The following HTT variants were observed in gnomAD, a reference collection of about 807,000 sequenced individuals.
The protein encoded by HTT is huntingtin, also known as huntington disease protein.
HTT carries 104 observed loss-of-function variants against 362.3 expected under a neutral mutation model. That is an observed-to-expected ratio of 0.29 (90% CI 0.24 to 0.34). HTT has a LOEUF of 0.34. Ranked by LOEUF, HTT falls within the 10% of genes least tolerant of loss-of-function variation. HTT has a pLI of 1.00. For synonymous variants in HTT, 1,577 were observed against 1,548.7 expected, an observed-to-expected ratio of 1.02 and a Z score of -0.43; for missense variants, 3,301 against 3,928.6, an observed-to-expected ratio of 0.84 and a Z score of 4.27.
At chr4:3,238,753 C>CCCCCCCCCCCGGG in intron 65 of HTT, 65 bp from the exon 66 acceptor site, 1 of 1,216,196 alleles carries the variant, frequency 8.2e-7, no homozygotes, top group Admixed American at 2.3e-5. Flanking sequence ...CCCCGCCACC[C>CCCCCCCCCCCGGG]AGGCGCAGCA....
intron 57 of HTT, among the ~76,000 whole-genome samples, chr4:3,227,276 A>G (rs1720967374): frequency 7.0e-6 from 1 of 142,246 alleles, no homozygotes; most frequent in Non-Finnish European, 1.5e-5. Flanking sequence ...GCTGAAGGAC[A>G]GTGCCACCCC....
At position 3,177,428 on chromosome 4, in the gene HTT, G is replaced by A. The variant is rs200255140; in HGVS notation, c.4463+41G>A. ...TATTTTAGATTTTTTTCTTCTTCTT[G>A]TGTACTTACATGTAATTTAGGTTAT... On this transcript the variant is annotated intron_variant, in intron 34 of 66. Coordinates refer to ENST00000355072, the MANE Select transcript of HTT (RefSeq NM_001388492.1). 2.2e-5 allele frequency: 29 copies of A among 1,318,846 alleles called. No individual in the cohort carries two copies. In the Admixed American group the frequency reaches 6.0e-4, roughly 27 times the overall value. 81.7% of individuals were successfully genotyped at this position (1,318,846 alleles called of 1,614,324 possible).
chr4:3,118,677 TA>T (rs1715149724), intron 8 of HTT, among the ~76,000 whole-genome samples: 1 of 152,134 alleles, frequency 6.6e-6, no homozygotes, highest in Admixed American at 6.5e-5. Context: ...GAAACTGTGT[TA>T]AATTGGGATT....
intron 36 of HTT, 38 bp from the exon 37 acceptor site, chr4:3,182,316 C>T (rs768358754): frequency 2.2e-6 from 3 of 1,381,368 alleles, no homozygotes; most frequent in African/African-American, 2.8e-5. Flanking sequence ...AAAGGCGTCT[C>T]TTGGCAGCAG....
chr4:3,132,091 G>A (rs1715849018), intron 16 of HTT, among the ~76,000 whole-genome samples: 1 of 152,212 alleles, frequency 6.6e-6, no homozygotes, highest in African/African-American at 2.4e-5. Context: ...GCCAGGCCAG[G>A]CATTCACACT....
At chr4:3,123,044 T>C (rs1715363608) in intron 10 of HTT, 108 bp downstream of exon 10, 5 of 760,318 alleles carry the variant, frequency 6.6e-6, no homozygotes, top group Non-Finnish European at 1.1e-5. Flanking sequence ...GGACTCTGTG[T>C]ATATCTCTTC....
Position 3,180,486 on chromosome 4 carries a change from C to G in HTT, c.4613-29C>G, listed in dbSNP as rs763625125. On this transcript the variant is annotated intron_variant, in intron 35 of 66. Coordinates refer to ENST00000355072, the MANE Select transcript of HTT (RefSeq NM_001388492.1). ...TCCAAATGTAATTTCCATGAAATGC[C>G]TGATAAGGGTACCCTTTTGTCCCCA... is the stretch of plus-strand genomic sequence containing the variant. 4 of 1,524,172 alleles carry G rather than the reference C, an allele frequency of 2.6e-6. No homozygotes were observed. In the African/African-American group the frequency reaches 5.6e-5, roughly 22 times the overall value. The allele number at this position is 1,524,172 out of a possible 1,614,324, so 94.4% of individuals were successfully genotyped here. A position where few individuals can be genotyped will look rare whatever the true frequency, so the allele number is the denominator to read the frequency against.
chr4:3,080,614 A>T (rs917129750), intron 1 of HTT, among the ~76,000 whole-genome samples: 6 of 152,110 alleles, frequency 3.9e-5, no homozygotes, highest in African/African-American at 1.4e-4. Flanking sequence ...GATGAAGTCG[A>T]GTTTATCTAT....
At chr4:3,129,826 G>C in intron 12 of HTT, 98 bp from the exon 13 acceptor site, 1 of 1,414,324 alleles carries the variant, frequency 7.1e-7, no homozygotes, top group Admixed American at 1.7e-5. Flanking sequence ...TGTTCTGTGT[G>C]TAAAATGTGC....
At chr4:3,229,798 C>T (rs983795439) in intron 59 of HTT, 89 bp from the exon 60 acceptor site, 29 of 1,377,428 alleles carry the variant, frequency 2.1e-5, no homozygotes, top group South Asian at 1.8e-4. Context: ...TGTAAGAACA[C>T]GACTTGCCAG....
At position 3,203,898 on chromosome 4, in the gene HTT, A is replaced by G. The variant is rs148781790; in HGVS notation, c.5577-109A>G. 442 of 1,073,170 alleles carry G rather than the reference A, an allele frequency of 4.1e-4. 2 individuals carry two copies. In the African/African-American group the frequency reaches 4.9e-3, roughly 12 times the overall value. 66.5% of individuals were successfully genotyped at this position (1,073,170 alleles called of 1,614,324 possible). On this transcript the variant is annotated intron_variant, in intron 41 of 66. Coordinates refer to ENST00000355072, the MANE Select transcript of HTT (RefSeq NM_001388492.1). ...ACATTCTGATATGGCAATATTTAAA[A>G]CAACTTGTCTGTTTTAGAACTAGAA...
chr4:3,152,623 A>T lies in HTT; in HGVS notation c.3499-1670A>T, dbSNP rs535153809. On this transcript the variant is annotated intron_variant, in intron 26 of 66. Coordinates refer to ENST00000355072, the MANE Select transcript of HTT (RefSeq NM_001388492.1). ...CTACGTCTTCTGGACATTACTGTGG[A>T]TGGGCTCATACAGTCAGTGAGCTTG... is the stretch of plus-strand genomic sequence containing the variant. Among the ~76,000 whole-genome samples, 11 of 152,140 alleles carry T rather than the reference A, an allele frequency of 7.2e-5. No individual in the cohort carries two copies. In the South Asian group the frequency reaches 2.1e-3, roughly 29 times the overall value.
In HTT at chr4:3,131,275, C is replaced by T. The variant is rs549836561; in HGVS notation, c.1987-11C>T. 49 of 1,588,942 alleles carry T rather than the reference C, an allele frequency of 3.1e-5. No individual in the cohort carries two copies. Among genetic ancestry groups the T allele is most frequent in the African/African-American group, 2.6e-4 (19 of 74,422 alleles). On this transcript the variant is annotated splice_polypyrimidine_tract_variant and intron_variant, in intron 14 of 66. Transcript: ENST00000355072. ...GTATGAGACAAACAAGTGTCATTGT[C>T]TCCTTTCTAGCCTTGCCGCATCAAA...
In HTT at chr4:3,154,349, G is replaced by A; in HGVS notation, c.3555G>A (p.Gly1185=). 2 of 1,613,362 alleles carry A rather than the reference G, an allele frequency of 1.2e-6. No homozygotes were observed. Among genetic ancestry groups the A allele is most frequent in the African/African-American group, 1.3e-5 (1 of 75,002 alleles). The change falls in exon 27 of 67, where the codon GGG becomes GGA. Residue 1185 remains glycine (G), a synonymous_variant. Transcript: ENST00000355072. ...CTCTAAGTCCCATCCGACGAAAGGG[G>A]AAGGAGAAAGAACCAGGAGAACAAG... The part of the protein sequence containing the change: ...PPSLSPIRRK[G]KEKEPGEQAS...
intron 1 of HTT, among the ~76,000 whole-genome samples, chr4:3,078,823 T>C (rs1712715077): frequency 6.6e-6 from 1 of 151,750 alleles, no homozygotes; most frequent in Non-Finnish European, 1.5e-5. Context: ...CAAGCTCCGC[T>C]TCCCGAGTTC....
At chr4:3,217,595 A>G (rs1720473147) in intron 51 of HTT, among the ~76,000 whole-genome samples, 170 bp from the exon 52 acceptor site, 1 of 152,204 alleles carries the variant, frequency 6.6e-6, no homozygotes, top group African/African-American at 2.4e-5. Flanking sequence ...GGAGAATTGT[A>G]TGGTATAGGC....
chr4:3,077,770 G>T (rs1712641796), intron 1 of HTT, among the ~76,000 whole-genome samples: 2 of 152,014 alleles, frequency 1.3e-5, no homozygotes, highest in Admixed American at 1.3e-4. Flanking sequence ...ACTGCATTAG[G>T]TTTATTTATA....
chr4:3,197,850 G>A (rs1056929594), intron 40 of HTT, among the ~76,000 whole-genome samples: 11 of 152,156 alleles, frequency 7.2e-5, no homozygotes, highest in Admixed American at 6.5e-5. Context: ...CCTACATCCC[G>A]GGTCTGTCCC....
intron 8 of HTT, among the ~76,000 whole-genome samples, chr4:3,118,253 C>A (rs1397451015): frequency 9.2e-5 from 14 of 152,156 alleles, no homozygotes; most frequent in Non-Finnish European, 1.8e-4. Flanking sequence ...TAAGTGTACT[C>A]TTTTAAAAAG....
Sources: allele counts gnomAD v4.1 joint callset (sites outside exome capture counted in the v4.1 genomes callset), GRCh38; gene constraint gnomAD v4.1.1; transcripts MANE v1.5; gene names NCBI Gene and HGNC (gene_info 2026-07-23, HGNC 2026-07-21).